RANBP2: variants seen among roughly 807,000 people sequenced by gnomAD.
RANBP2 encodes the protein RAN binding protein 2.
In RANBP2, 57 loss-of-function variants were observed where a neutral mutation model predicts 303.6. The ratio of observed to expected loss-of-function variants is 0.19; its 90% CI spans 0.15 to 0.23. The LOEUF is 0.23. RANBP2 is among the 10% of genes least tolerant of loss of function. The pLI is 1.00. For synonymous variants in RANBP2, 1,167 were observed against 1,301.5 expected (o/e 0.90, Z 2.23); for missense variants, 3,138 against 3,780.8 (o/e 0.83, Z 4.46).
chr2:108,773,795 C>T (rs543292162), intron 23 of RANBP2, among the ~76,000 whole-genome samples: 31 of 152,002 alleles, frequency 2.0e-4, no homozygotes, highest in Non-Finnish European at 3.1e-4. Context: ...TACAGGCATG[C>T]GCCACCACGC....
chr2:108,953,340 G>A, the RANBP2 span, among the ~76,000 whole-genome samples: 5 of 152,002 alleles, frequency 3.3e-5, no homozygotes. Context: ...CTGATTTCTG[G>A]GACTTTCTTC....
the RANBP2 span, among the ~76,000 whole-genome samples, chr2:108,854,306 TGTA>T: frequency 6.6e-6 from 1 of 151,496 alleles, no homozygotes; most frequent in Non-Finnish European, 1.5e-5. Context: ...GCCAGTATAA[TGTA>T]GTAGTTACTT....
At chr2:108,932,477 C>T in the RANBP2 span, among the ~76,000 whole-genome samples, 10 of 137,806 alleles carry the variant, frequency 7.3e-5, 1 homozygote, top group African/African-American at 2.5e-4. Flanking sequence ...TGCAGTGAGC[C>T]GAGATTGTGC....
At chr2:109,265,049 A>C in the RANBP2 span, among the ~76,000 whole-genome samples, 1 of 152,228 alleles carries the variant, frequency 6.6e-6, no homozygotes, top group Non-Finnish European at 1.5e-5. Flanking sequence ...TGTGGACCGC[A>C]GTCTAATTGG....
chr2:109,699,348 G>C, the RANBP2 span, among the ~76,000 whole-genome samples: 1 of 152,124 alleles, frequency 6.6e-6, no homozygotes, highest in East Asian at 1.9e-4. Context: ...GGGGGCTAGG[G>C]GGACTGACCC....
chr2:109,558,096 A>G, the RANBP2 span, among the ~76,000 whole-genome samples: 5 of 152,180 alleles, frequency 3.3e-5, no homozygotes. Flanking sequence ...CTGGCCTGAC[A>G]TGAATATTTA....
the RANBP2 span, among the ~76,000 whole-genome samples, chr2:109,527,521 C>T: frequency 1.3e-5 from 2 of 152,172 alleles, no homozygotes; most frequent in African/African-American, 4.8e-5. Flanking sequence ...AACGCAGGCC[C>T]TGTGGGACCC....
the RANBP2 span, among the ~76,000 whole-genome samples, chr2:109,488,235 T>TG: frequency 1.6e-4 from 24 of 152,274 alleles, no homozygotes; most frequent in Non-Finnish European, 3.4e-4. Context: ...AACCCTGCCA[T>TG]GGGGGGTTCC....
the RANBP2 span, among the ~76,000 whole-genome samples, chr2:109,318,708 C>T: frequency 6.6e-6 from 1 of 152,254 alleles, no homozygotes; most frequent in East Asian, 1.9e-4. Context: ...GGCCAGAATC[C>T]GGGGCTGCCC....
At chr2:109,402,596 C>G in the RANBP2 span, among the ~76,000 whole-genome samples, 1 of 152,248 alleles carries the variant, frequency 6.6e-6, no homozygotes, top group Admixed American at 6.5e-5. Flanking sequence ...AGCAGCCAGT[C>G]CCCTGCCTCT....
At chr2:108,848,772 A>G in the RANBP2 span, among the ~76,000 whole-genome samples, 5 of 152,188 alleles carry the variant, frequency 3.3e-5, no homozygotes, top group South Asian at 4.1e-4. Flanking sequence ...ATGAGTAATA[A>G]TTTATTTAAT....
the RANBP2 span, among the ~76,000 whole-genome samples, chr2:108,821,297 G>A: frequency 6.6e-6 from 1 of 152,170 alleles, no homozygotes; most frequent in African/African-American, 2.4e-5. Context: ...GGCAGAGGTT[G>A]CAGTGAGCTG....
chr2:109,147,349 C>G, the RANBP2 span, among the ~76,000 whole-genome samples: 1 of 152,194 alleles, frequency 6.6e-6, no homozygotes, highest in Non-Finnish European at 1.5e-5. Flanking sequence ...ACGAGACTAT[C>G]TCTGCGCTGA....
At chr2:108,928,067 G>A in the RANBP2 span, among the ~76,000 whole-genome samples, 2 of 152,028 alleles carry the variant, frequency 1.3e-5, no homozygotes, top group African/African-American at 4.8e-5. Context: ...CATCAGCTTC[G>A]AGCGGAAGGC....
the RANBP2 span, among the ~76,000 whole-genome samples, chr2:109,245,663 A>G: frequency 6.6e-6 from 1 of 152,198 alleles, no homozygotes; most frequent in African/African-American, 2.4e-5. Flanking sequence ...TATCCCTTGA[A>G]CTGAGACCAT....
chr2:109,115,907 T>C, the RANBP2 span, among the ~76,000 whole-genome samples: 1 of 152,130 alleles, frequency 6.6e-6, no homozygotes, highest in Non-Finnish European at 1.5e-5. Context: ...TTTGGCTGGA[T>C]ATGAAATTCT....
the RANBP2 span, among the ~76,000 whole-genome samples, chr2:109,063,165 C>T: frequency 6.6e-6 from 1 of 152,190 alleles, no homozygotes; most frequent in Non-Finnish European, 1.5e-5. Context: ...CTGGCTTGTG[C>T]CTGTTGGGTC....
chr2:109,036,237 A>G, the RANBP2 span, among the ~76,000 whole-genome samples: 1 of 152,228 alleles, frequency 6.6e-6, no homozygotes, highest in Non-Finnish European at 1.5e-5. Context: ...ACGGCTCACA[A>G]AAAAGAAATC....
At chr2:109,283,977 C>T in the RANBP2 span, among the ~76,000 whole-genome samples, 49 of 152,282 alleles carry the variant, frequency 3.2e-4, no homozygotes, top group African/African-American at 1.0e-3. Flanking sequence ...CACCTCTGCC[C>T]GTGGGTGTTT....
Sources: allele counts gnomAD v4.1 joint callset (sites outside exome capture counted in the v4.1 genomes callset), GRCh38; gene constraint gnomAD v4.1.1; transcripts MANE v1.5; gene names NCBI Gene and HGNC (gene_info 2026-07-23, HGNC 2026-07-21).